CMIP: variants seen among roughly 807,000 people sequenced by gnomAD.
CMIP encodes C-Maf-inducing protein.
CMIP carries 13 observed loss-of-function variants against 97.3 expected under a neutral mutation model. The observed-to-expected ratio is 0.13, with a 90% CI of 0.09 to 0.21. The LOEUF (loss-of-function observed/expected upper bound fraction) is 0.21, where lower values mean the gene tolerates loss of function less well. Among genes scored for constraint, CMIP ranks in the 10% least tolerant of loss-of-function variants. The pLI, the probability that CMIP is intolerant of heterozygous loss-of-function variation, is 1.00. For synonymous variants in CMIP, 538 were observed against 436.3 expected (o/e 1.23, Z -2.91); for missense variants, 847 against 1,024.9 (o/e 0.83, Z 2.37).
At chr16:81,559,030 G>A (rs1418509501) in intron 1 of CMIP, among the ~76,000 whole-genome samples, 2 of 152,260 alleles carry the variant, frequency 1.3e-5, no homozygotes, top group Non-Finnish European at 2.9e-5. Context: ...GAATGATCGG[G>A]GTTACCTGGC....
At chr16:81,521,764 G>T (rs2090032371) in intron 1 of CMIP, among the ~76,000 whole-genome samples, 1 of 152,146 alleles carries the variant, frequency 6.6e-6, no homozygotes, top group South Asian at 2.1e-4. Flanking sequence ...TTTCAAAATG[G>T]CCAGTTTAGG....
At chr16:81,619,665 A>G (rs1370887106) in intron 2 of CMIP, 1 of 152,312 alleles carries the variant, frequency 6.6e-6, no homozygotes, top group Non-Finnish European at 1.5e-5. Flanking sequence ...TGGGGAACTC[A>G]GAATGGTCCG....
chr16:81,581,735 G>C (rs2091299062), intron 1 of CMIP, among the ~76,000 whole-genome samples: 1 of 152,194 alleles, frequency 6.6e-6, no homozygotes, highest in African/African-American at 2.4e-5. Flanking sequence ...GGAAAACCGA[G>C]GCACAGGGCA....
Position 81,444,905 on chromosome 16 carries a change from C to CCCCGGCGCCCGCCCTCCGCG in CMIP, c.-334_-315dup, listed in dbSNP as rs1905726986. Among the ~76,000 whole-genome samples, 2 of 139,730 alleles carry CCCCGGCGCCCGCCCTCCGCG rather than the reference C, an allele frequency of 1.4e-5. No individual in the cohort carries two copies. The highest frequency in any genetic ancestry group is 3.2e-5 in the Non-Finnish European group (2 of 63,034). The allele number at this position is 139,730 out of a possible 152,430, so 91.7% of individuals were successfully genotyped here. ...GCCCGCCCCCACCCCGCCGCCCCCA[C>CCCCGGCGCCCGCCCTCCGCG]CCCGGCGCCCGCCCTCCGCGCCTGG... On this transcript the variant is annotated 5_prime_UTR_variant, in exon 1 of 21. Coordinates refer to ENST00000537098, the MANE Select transcript of CMIP (RefSeq NM_198390.3).
intron 1 of CMIP, chr16:81,464,524 TCA>T (rs1907086710): frequency 6.6e-6 from 1 of 152,202 alleles, no homozygotes; most frequent in Admixed American, 6.5e-5. Flanking sequence ...ATTCATTCAT[TCA>T]TTCGTTTTGG....
At chr16:81,522,039 T>C (rs868277505) in intron 1 of CMIP, among the ~76,000 whole-genome samples, 1 of 152,170 alleles carries the variant, frequency 6.6e-6, no homozygotes, top group Admixed American at 6.5e-5. Flanking sequence ...GTAAATCTGA[T>C]ATTTAGGAGC....
intron 1 of CMIP, among the ~76,000 whole-genome samples, chr16:81,538,679 A>C (rs2090392129): frequency 6.6e-6 from 1 of 152,182 alleles, no homozygotes; most frequent in South Asian, 2.1e-4. Flanking sequence ...GCCAAGTCAC[A>C]CTGATGTTGA....
chr16:81,632,242 A>G (rs2092172502), intron 3 of CMIP, among the ~76,000 whole-genome samples: 2 of 152,226 alleles, frequency 1.3e-5, no homozygotes, highest in Non-Finnish European at 2.9e-5. Context: ...AAATGCACGT[A>G]CATAGGTGGT....
At chr16:81,658,480 G>A (rs1476504694) in intron 5 of CMIP, among the ~76,000 whole-genome samples, 1 of 152,200 alleles carries the variant, frequency 6.6e-6, no homozygotes, top group African/African-American at 2.4e-5. Flanking sequence ...TAGAGACATT[G>A]AGTGCAGAGA....
chr16:81,674,173 A>G (rs577468462), intron 9 of CMIP, among the ~76,000 whole-genome samples: 3 of 152,160 alleles, frequency 2.0e-5, no homozygotes, highest in Non-Finnish European at 4.4e-5. Flanking sequence ...AAGGAAGTGC[A>G]GGGACTCCAG....
At chr16:81,462,317 G>C (rs765999539) in intron 1 of CMIP, among the ~76,000 whole-genome samples, 3 of 152,110 alleles carry the variant, frequency 2.0e-5, no homozygotes, top group Non-Finnish European at 4.4e-5. Context: ...TCCTTGGGCT[G>C]GCAAAATGGT....
intron 1 of CMIP, among the ~76,000 whole-genome samples, chr16:81,476,774 CATAG>C (rs1907950812): frequency 6.6e-6 from 1 of 152,218 alleles, no homozygotes; most frequent in African/African-American, 2.4e-5. Context: ...TGAACATCTT[CATAG>C]ATAATCTCCA....
intron 1 of CMIP, among the ~76,000 whole-genome samples, chr16:81,593,368 G>A (rs1456986608): frequency 5.3e-5 from 8 of 152,026 alleles, no homozygotes; most frequent in African/African-American, 1.7e-4. Flanking sequence ...GTTGTGCCTA[G>A]CCTGGGGGGT....
chr16:81,584,368 A>C (rs2091346066), intron 1 of CMIP, among the ~76,000 whole-genome samples: 1 of 152,238 alleles, frequency 6.6e-6, no homozygotes, highest in Non-Finnish European at 1.5e-5. Context: ...ATGAATGAAT[A>C]AACTGTGAGT....
intron 7 of CMIP, among the ~76,000 whole-genome samples, chr16:81,669,746 C>G (rs1183587845): frequency 1.3e-5 from 2 of 149,072 alleles, no homozygotes; most frequent in South Asian, 4.3e-4. Context: ...TCCACACCCA[C>G]CTCTCTTCTC....
chr16:81,650,030 G>A (rs555197504), intron 3 of CMIP, among the ~76,000 whole-genome samples: 66 of 152,352 alleles, frequency 4.3e-4, no homozygotes, highest in African/African-American at 1.6e-3. Context: ...CAGTAACTAG[G>A]AAGGAGGCTG....
intron 1 of CMIP, among the ~76,000 whole-genome samples, chr16:81,477,927 G>T (rs1309325732): frequency 6.6e-6 from 1 of 152,232 alleles, no homozygotes; most frequent in Non-Finnish European, 1.5e-5. Flanking sequence ...GCCCTGTTAA[G>T]GTGACTTCTG....
intron 9 of CMIP, among the ~76,000 whole-genome samples, chr16:81,676,757 G>C (rs1597235045): frequency 6.6e-6 from 1 of 152,172 alleles, no homozygotes; most frequent in African/African-American, 2.4e-5. Flanking sequence ...CTGTGCATGG[G>C]GTTCAAGTTC....
chr16:81,475,359 A>T (rs1907838416), intron 1 of CMIP, among the ~76,000 whole-genome samples: 1 of 152,206 alleles, frequency 6.6e-6, no homozygotes, highest in Non-Finnish European at 1.5e-5. Flanking sequence ...TCCAGTTGCA[A>T]TACCTGATGT....
Sources: allele counts gnomAD v4.1 joint callset (sites outside exome capture counted in the v4.1 genomes callset), GRCh38; gene constraint gnomAD v4.1.1; transcripts MANE v1.5; gene names NCBI Gene and HGNC (gene_info 2026-07-23, HGNC 2026-07-21).